Variants in SYNDIG1 observed in about 807,000 individuals in gnomAD.
The protein encoded by SYNDIG1 is synapse differentiation inducing 1.
Under a neutral mutation model 19.4 loss-of-function variants are expected in SYNDIG1, and 9 were observed. That is an observed-to-expected ratio of 0.46 (90% confidence interval 0.28 to 0.81). SYNDIG1 has a LOEUF of 0.81. SYNDIG1 is among the 30% of genes least tolerant of loss of function. The pLI is 0.12. For synonymous variants in SYNDIG1, 141 were observed against 145.9 expected (o/e 0.97, Z 0.24); for missense variants, 311 against 343.3 (o/e 0.91, Z 0.74).
At chr20:24,662,224 C>T (rs1360219546) in intron 3 of SYNDIG1, among the ~76,000 whole-genome samples, 2 of 151,692 alleles carry the variant, frequency 1.3e-5, no homozygotes, top group Non-Finnish European at 2.9e-5. Context: ...CTTTTATTTC[C>T]TCAGTGTGAA....
At chr20:24,583,840 A>G (rs1295381743) in intron 2 of SYNDIG1, among the ~76,000 whole-genome samples, 3 of 152,156 alleles carry the variant, frequency 2.0e-5, no homozygotes, top group Non-Finnish European at 4.4e-5. Flanking sequence ...ATGAGGACCC[A>G]TGGACGCAAA....
intron 2 of SYNDIG1, among the ~76,000 whole-genome samples, chr20:24,567,413 A>C (rs2058066099): frequency 6.6e-6 from 1 of 152,076 alleles, no homozygotes; most frequent in South Asian, 2.1e-4. Flanking sequence ...CAACTCTCAC[A>C]CCTGCACTTC....
At chr20:24,549,355 C>T (rs1265005167) in intron 2 of SYNDIG1, among the ~76,000 whole-genome samples, 2 of 152,096 alleles carry the variant, frequency 1.3e-5, no homozygotes, top group African/African-American at 4.8e-5. Context: ...ACATAATGTC[C>T]TCCAGTTTCA....
At chr20:24,511,342 G>T (rs2056738060) in intron 1 of SYNDIG1, among the ~76,000 whole-genome samples, 1 of 152,122 alleles carries the variant, frequency 6.6e-6, no homozygotes, top group African/African-American at 2.4e-5. Flanking sequence ...TTTCCTAGCT[G>T]CACAAATACT....
chr20:24,525,446 G>A (rs2057103900), intron 1 of SYNDIG1, among the ~76,000 whole-genome samples: 1 of 151,872 alleles, frequency 6.6e-6, no homozygotes, highest in Admixed American at 6.6e-5. Context: ...CACCATGCCT[G>A]GCTGATTTTT....
chr20:24,547,809 A>G (rs532152325), intron 2 of SYNDIG1, among the ~76,000 whole-genome samples: 3 of 152,330 alleles, frequency 2.0e-5, no homozygotes, highest in Non-Finnish European at 4.4e-5. Flanking sequence ...AAGTAGGTCT[A>G]CAAAATATAC....
chr20:24,539,965 A>C (rs1206919854), intron 1 of SYNDIG1, among the ~76,000 whole-genome samples: 3 of 151,946 alleles, frequency 2.0e-5, no homozygotes, highest in East Asian at 1.9e-4. Context: ...TTTTGGTAGA[A>C]ATAGGGTTTC....
chr20:24,575,013 G>T (rs1049686523), intron 2 of SYNDIG1, among the ~76,000 whole-genome samples: 1 of 152,188 alleles, frequency 6.6e-6, no homozygotes, highest in Admixed American at 6.5e-5. Flanking sequence ...CTGGAGCACG[G>T]TAGATATTGC....
At chr20:24,578,664 C>T (rs1291328734) in intron 2 of SYNDIG1, among the ~76,000 whole-genome samples, 2 of 152,172 alleles carry the variant, frequency 1.3e-5, no homozygotes, top group Admixed American at 6.5e-5. Flanking sequence ...GGCACATGTG[C>T]ATCCTGGCTT....
At chr20:24,524,920 C>G (rs2057089759) in intron 1 of SYNDIG1, among the ~76,000 whole-genome samples, 1 of 152,080 alleles carries the variant, frequency 6.6e-6, no homozygotes, top group Non-Finnish European at 1.5e-5. Flanking sequence ...CTGCTCTTAC[C>G]TTATTAACAC....
intron 1 of SYNDIG1, among the ~76,000 whole-genome samples, chr20:24,536,913 C>T (rs1172778859): frequency 1.3e-5 from 2 of 152,168 alleles, no homozygotes. Flanking sequence ...GGCATCACAC[C>T]CTTCTTACTG....
chr20:24,551,915 A>C (rs1355251542), intron 2 of SYNDIG1, among the ~76,000 whole-genome samples: 1 of 152,122 alleles, frequency 6.6e-6, no homozygotes, highest in Non-Finnish European at 1.5e-5. Flanking sequence ...TGTTCTGGGG[A>C]ATATGCCATG....
At chr20:24,569,522 G>A (rs1258362548) in intron 2 of SYNDIG1, among the ~76,000 whole-genome samples, 1 of 152,192 alleles carries the variant, frequency 6.6e-6, no homozygotes, top group African/African-American at 2.4e-5. Flanking sequence ...TTGCCCAAGG[G>A]TCTCAGCTAG....
At position 24,535,378 on chromosome 20, in the gene SYNDIG1, GTTCCT is replaced by G. The variant is rs556487831; in HGVS notation, c.-78-7640_-78-7636del. On this transcript the variant is annotated intron_variant, in intron 1 of 3. Coordinates refer to ENST00000376862, the MANE Select transcript of SYNDIG1 (RefSeq NM_024893.3). ...TACTACTGAATTTCTGGCTAGAATA[GTTCCT>G]TCCCAAATGGAAGGTTTATTTACAA... Among the ~76,000 whole-genome samples the G allele has an allele frequency of 7.7e-4, 117 of 152,308 alleles. 1 individual carries two copies. The South Asian group carries it at 0.013, about 16-fold the overall frequency.
At chr20:24,517,819 A>T (rs942321919) in intron 1 of SYNDIG1, among the ~76,000 whole-genome samples, 5 of 146,286 alleles carry the variant, frequency 3.4e-5, no homozygotes, top group African/African-American at 7.6e-5. Context: ...ATATATATAT[A>T]TTTTGAGAGG....
chr20:24,557,966 G>C (rs1041820496), intron 2 of SYNDIG1, among the ~76,000 whole-genome samples: 7 of 152,224 alleles, frequency 4.6e-5, no homozygotes, highest in Admixed American at 4.6e-4. Flanking sequence ...TGCTGCAGCC[G>C]AGGAGATGGG....
chr20:24,504,388 C>T (rs997109001), intron 1 of SYNDIG1, among the ~76,000 whole-genome samples: 7 of 152,126 alleles, frequency 4.6e-5, no homozygotes, highest in South Asian at 2.1e-4. Flanking sequence ...AGACCCTATG[C>T]GTAGCAAAAA....
intron 3 of SYNDIG1, among the ~76,000 whole-genome samples, chr20:24,594,533 A>G (rs955621560): frequency 6.6e-6 from 1 of 152,090 alleles, no homozygotes; most frequent in East Asian, 1.9e-4. Flanking sequence ...CATGTGAGTT[A>G]TAAAATAATT....
intron 1 of SYNDIG1, among the ~76,000 whole-genome samples, chr20:24,535,615 G>A (rs2057344911): frequency 6.6e-6 from 1 of 151,696 alleles, no homozygotes; most frequent in African/African-American, 2.4e-5. Flanking sequence ...GAAGACAAAG[G>A]TTTTTCATGA....
Sources: allele counts gnomAD v4.1 joint callset (sites outside exome capture counted in the v4.1 genomes callset), GRCh38; gene constraint gnomAD v4.1.1; transcripts MANE v1.5; gene names NCBI Gene and HGNC (gene_info 2026-07-23, HGNC 2026-07-21).